The following TERT variants were observed in gnomAD, a reference collection of about 807,000 sequenced individuals.
The protein encoded by TERT is telomerase reverse transcriptase.
Under a neutral mutation model 104.0 loss-of-function variants are expected in TERT, and 42 were observed. The ratio of observed to expected loss-of-function variants is 0.40; its 90% CI spans 0.32 to 0.52. TERT has a LOEUF of 0.52. Ranked by LOEUF, TERT falls within the 20% of genes least tolerant of loss-of-function variation. The pLI, the probability that TERT is intolerant of heterozygous loss-of-function variation, is 0.43. For missense variants in TERT, 1,101 were observed against 1,610.3 expected, an observed-to-expected ratio of 0.68 and a Z score of 5.41; for synonymous variants, 781 against 725.6, an observed-to-expected ratio of 1.08 and a Z score of -1.23.
chr5:1,274,859 AAAC>A lies in TERT; in HGVS notation c.2287-2582_2287-2580del, dbSNP rs1749437554. 6.6e-6 allele frequency among the ~76,000 whole-genome samples: 1 copy of A among 152,262 alleles called. No homozygotes were observed. The highest frequency in any genetic ancestry group is 1.5e-5 in the Non-Finnish European group (1 of 68,044). On this transcript the variant is annotated intron_variant, in intron 6 of 15. Coordinates refer to ENST00000310581, the MANE Select transcript of TERT (RefSeq NM_198253.3). The surrounding 1 kb of genome is among the most constrained non-coding windows in gnomAD (Gnocchi z 5.3). ...AAACTTTTCCTTCAAGGAGCCGGAA[AAAC>A]AACAATAAACAAAGCCTAAAGGAAA... is the stretch of plus-strand genomic sequence containing the variant.
In TERT at chr5:1,256,531, GC is replaced by G. The variant is rs1214691456; in HGVS notation, c.3033-1121del. 1.9e-4 allele frequency among the ~76,000 whole-genome samples: 28 copies of G among 146,470 alleles called. No homozygotes were observed. The highest frequency in any genetic ancestry group is 7.2e-4 in the African/African-American group (28 of 39,106). ...GTACCTGGCCTCACCCACTGCCTGA[GC>G]CCCCCGTGTACCTCATCTCACCCAC... On this transcript the variant is annotated intron_variant, in intron 13 of 15. Transcript: ENST00000310581. This position sits in a 1 kb window ranked among gnomAD's most constrained non-coding sequence, Gnocchi z 7.0.
Position 1,255,298 on chromosome 5 carries a change from G to A in TERT, c.3146C>T (p.Ala1049Val), listed in dbSNP as rs2126562351. 6.2e-7 allele frequency: 1 copy of A among 1,613,944 alleles called. No homozygotes were observed. The highest frequency in any genetic ancestry group is 8.5e-7 in the Non-Finnish European group (1 of 1,179,910). Residue 1049 changes from alanine (A) to valine (V), a missense_variant, in exon 14 of 16, where the codon GCC becomes GTC. Coordinates refer to ENST00000310581, the MANE Select transcript of TERT (RefSeq NM_198253.3). This position sits in a 1 kb window ranked among gnomAD's most constrained non-coding sequence, Gnocchi z 6.9. ...GCACCTGCACATACCTGCGTTCTTG[G>A]CTTTCAGGATGGAGTAGCAGAGGGA... ...TASLCYSILK[A>V]KNAGMSLGAK...
rs1311108214 is a variant in TERT at position 1,287,516 on chromosome 5, T to A, written c.1574-4892A>T. ...CTGTCTCAAAAAAAAAAAATATATATATATATATATAAATTAAAGGCAGAA... is the reference window on the plus strand; with the variant it reads ...CTGTCTCAAAAAAAAAAAATATATAAATATATATATAAATTAAAGGCAGAA... On this transcript the variant is annotated intron_variant, in intron 2 of 15. Transcript: ENST00000310581. This position sits in a 1 kb window ranked among gnomAD's most constrained non-coding sequence, Gnocchi z 4.3. 2.1e-5 allele frequency among the ~76,000 whole-genome samples: 3 copies of A among 146,192 alleles called. No homozygotes were observed. Among genetic ancestry groups the A allele is most frequent in the Admixed American group, 6.8e-5 (1 of 14,672 alleles).
Position 1,268,609 on chromosome 5 carries a change from G to A in TERT, c.2493C>T (p.Ile831=), listed in dbSNP as rs1748795204. 1 of 1,613,024 alleles carries A rather than the reference G, an allele frequency of 6.2e-7. No homozygotes were observed. Among genetic ancestry groups the A allele is most frequent in the South Asian group, 1.1e-5 (1 of 91,082 alleles). The part of the protein sequence containing the change: ...RGKSYVQCQG[I]PQGSILSTLL... ...GCGTGGAGAGGATGGAGCCCTGCGG[G>A]ATCCCCTGGCACTGGACGTAGGACC... is the stretch of plus-strand genomic sequence containing the variant. The change falls in exon 9 of 16, where the codon ATC becomes ATT. Residue 831 remains isoleucine, a synonymous_variant. Transcript: ENST00000310581. The surrounding 1 kb of genome is among the most constrained non-coding windows in gnomAD (Gnocchi z 5.5).
Position 1,294,247 on chromosome 5 carries a change from G to T in TERT, c.639C>A (p.Pro213=). 1 of 1,590,014 alleles carries T rather than the reference G, an allele frequency of 6.3e-7. No individual in the cohort carries two copies. Among genetic ancestry groups the T allele is most frequent in the South Asian group, 1.1e-5 (1 of 89,398 alleles). ...TCGCACCCGGGGCTGGCAGGCCCAGGGGGACCCCGGCCTCCCTGACGCTAT... is the reference window on the plus strand; with the variant it reads ...TCGCACCCGGGGCTGGCAGGCCCAGTGGGACCCCGGCCTCCCTGACGCTAT... The part of the protein sequence containing the change: ...WNHSVREAGV[P]LGLPAPGARR... The change falls in exon 2 of 16, where the codon CCC becomes CCA. Residue 213 remains proline, a synonymous_variant. Transcript: ENST00000310581.
rs569502180 is a variant in TERT, at chr5:1,280,076, G to A, written c.1950+82C>T. 1.0e-4 allele frequency: 156 copies of A among 1,566,438 alleles called. No individual in the cohort carries two copies. The African/African-American group carries it at 1.9e-3, about 19-fold the overall frequency. ...GCTGTGTCCCGTGGCCCCTCCTCCG[G>A]GCCCTTCATCTAAGCTGATACCAAA... On this transcript the variant is annotated intron_variant, in intron 4 of 15. Coordinates refer to ENST00000310581, the MANE Select transcript of TERT (RefSeq NM_198253.3).
At chr5:1,254,309 G>A in intron 15 of TERT, 59 bp downstream of exon 15, 7 of 1,610,882 alleles carry the variant, frequency 4.3e-6, no homozygotes, top group Non-Finnish European at 5.9e-6. Context: ...CCCCACACAG[G>A]GCGTTCAAGG....
chr5:1,287,351 T>C lies in TERT; in HGVS notation c.1574-4727A>G, dbSNP rs1466916073. 6.6e-6 allele frequency among the ~76,000 whole-genome samples: 1 copy of C among 151,842 alleles called. No individual in the cohort carries two copies. Among genetic ancestry groups the C allele is most frequent in the African/African-American group, 2.4e-5 (1 of 41,310 alleles). Reference sequence around the variant, plus strand: ...CCTGTCTCCAGAAAAAATTTAAAAATTAGCCAGGTGTAGCGGTGCGTGTCT... The same window carrying C: ...CCTGTCTCCAGAAAAAATTTAAAAACTAGCCAGGTGTAGCGGTGCGTGTCT... On this transcript the variant is annotated intron_variant, in intron 2 of 15. Coordinates refer to ENST00000310581, the MANE Select transcript of TERT (RefSeq NM_198253.3). The surrounding 1 kb of genome is among the most constrained non-coding windows in gnomAD (Gnocchi z 4.3).
chr5:1,258,516 C>T, intron 13 of TERT, 82 bp downstream of exon 13: 8 of 1,314,476 alleles, frequency 6.1e-6, no homozygotes, highest in Non-Finnish European at 7.5e-6. Context: ...CCAGGAGTTC[C>T]AAGGTGAAGC....
Position 1,255,604 on chromosome 5 carries a change from G to A in TERT, c.3033-193C>T, listed in dbSNP as rs113695384. The stretch of plus-strand genomic sequence containing the variant: ...TGTGCTTGTGTGTGCGAGTAGCTGC[G>A]TGTCTGTGTGTGCACAGGTACACTG... On this transcript the variant is annotated intron_variant, in intron 13 of 15. Transcript: ENST00000310581. This position sits in a 1 kb window ranked among gnomAD's most constrained non-coding sequence, Gnocchi z 6.9. Among the ~76,000 whole-genome samples the A allele has an allele frequency of 1.4e-4, 22 of 152,346 alleles. No individual in the cohort carries two copies. In the East Asian group the frequency reaches 2.3e-3, roughly 16 times the overall value.
rs1380279487 is a variant in TERT at position 1,294,271 on chromosome 5, A to G, written c.615T>C (p.His205=). The G allele has an allele frequency of 1.9e-6, 3 of 1,593,730 alleles. No homozygotes were observed. The highest frequency in any genetic ancestry group is 3.4e-5 in the Admixed American group (2 of 59,262). ...GGGGGACCCCGGCCTCCCTGACGCT[A>G]TGGTTCCAGGCCCGTTCGCATCCCA... ...RRLGCERAWN[H]SVREAGVPLG... is the part of the protein sequence containing the mutation. The change falls in exon 2 of 16, where the codon CAT becomes CAC. Residue 205 remains histidine, a synonymous_variant. Transcript: ENST00000310581.
rs569957123 is a variant in TERT, at chr5:1,284,841, C to T, written c.1574-2217G>A. Reference sequence around the variant, plus strand: ...CCCCAGACCTGCACCATCCGGACACCGCATATCCAGCTCACCGCACGGTCT... The same window carrying T: ...CCCCAGACCTGCACCATCCGGACACTGCATATCCAGCTCACCGCACGGTCT... On this transcript the variant is annotated intron_variant, in intron 2 of 15. Coordinates refer to ENST00000310581, the MANE Select transcript of TERT (RefSeq NM_198253.3). Among the ~76,000 whole-genome samples the T allele has an allele frequency of 1.5e-3, 221 of 146,916 alleles. 1 individual carries two copies. The highest frequency in any genetic ancestry group is 2.5e-3 in the Non-Finnish European group (164 of 66,854).
Position 1,268,661 on chromosome 5 carries a change from C to T in TERT, c.2469-28G>A, listed in dbSNP as rs373917530. ...GGGGCGGGAAGACACAGGTGAGAGA[C>T]GGGCAGGGCATGTGCTGGACATGCG... On this transcript the variant is annotated intron_variant, in intron 8 of 15. Transcript: ENST00000310581. The surrounding 1 kb of genome is among the most constrained non-coding windows in gnomAD (Gnocchi z 5.5). The T allele has an allele frequency of 3.5e-5, 54 of 1,547,220 alleles. No homozygotes were observed. The highest frequency in any genetic ancestry group is 1.0e-4 in the South Asian group (9 of 89,708).
In TERT at chr5:1,255,273, G is replaced by A. The variant is rs376641569; in HGVS notation, c.3157+14C>T. The A allele has an allele frequency of 1.9e-6, 3 of 1,612,872 alleles. No homozygotes were observed. Among genetic ancestry groups the A allele is most frequent in the Non-Finnish European group, 2.5e-6 (3 of 1,179,584 alleles). ...CAGGCACTGCTGCCACTGAGGCCAG[G>A]CACCTGCACATACCTGCGTTCTTGG... On this transcript the variant is annotated intron_variant, in intron 14 of 15. Coordinates refer to ENST00000310581, the MANE Select transcript of TERT (RefSeq NM_198253.3). The surrounding 1 kb of genome is among the most constrained non-coding windows in gnomAD (Gnocchi z 6.9).
intron 10 of TERT, 60 bp downstream of exon 10, chr5:1,266,404 G>A (rs1748604350): frequency 7.0e-7 from 1 of 1,421,164 alleles, no homozygotes; most frequent in Non-Finnish European, 9.8e-7. Flanking sequence ...GACACGGGGG[G>A]CTCAACTGCA....
At chr5:1,259,599 G>GCA (rs1748050041) in intron 12 of TERT, among the ~76,000 whole-genome samples, 9 of 122,848 alleles carry the variant, frequency 7.3e-5, no homozygotes, top group African/African-American at 2.6e-4. Flanking sequence ...GAGTGGACAT[G>GCA]GATGCCCACA....
intron 11 of TERT, 141 bp from the exon 12 acceptor site, chr5:1,260,741 G>T: frequency 8.3e-7 from 1 of 1,203,042 alleles, no homozygotes; most frequent in Non-Finnish European, 1.2e-6. Context: ...CGAGGGGGCT[G>T]GGTGCTCACT....
At position 1,262,738 on chromosome 5, in the gene TERT, T is replaced by C. The variant is rs545264186; in HGVS notation, c.2843+1666A>G. 2.0e-5 allele frequency among the ~76,000 whole-genome samples: 3 copies of C among 152,348 alleles called. No homozygotes were observed. The highest frequency in any genetic ancestry group is 2.0e-4 in the Admixed American group (3 of 15,308). On this transcript the variant is annotated intron_variant, in intron 11 of 15. Coordinates refer to ENST00000310581, the MANE Select transcript of TERT (RefSeq NM_198253.3). This position sits in a 1 kb window ranked among gnomAD's most constrained non-coding sequence, Gnocchi z 5.6. ...AGAGAGAACCCATTTTCCTGATTTGTTTGTCTGTCCTTTGTCCTTCAATAA... is the reference window on the plus strand; with the variant it reads ...AGAGAGAACCCATTTTCCTGATTTGCTTGTCTGTCCTTTGTCCTTCAATAA...
chr5:1,278,825 A>G, intron 5 of TERT, 29 bp from the exon 6 acceptor site: 9 of 1,613,362 alleles, frequency 5.6e-6, no homozygotes, highest in Non-Finnish European at 7.6e-6. Context: ...GGAGACTGAC[A>G]GTGGCCACGC....
Sources: gnomAD v4.1 joint callset for allele counts (sites outside exome capture counted in the v4.1 genomes callset) on GRCh38, gnomAD v4.1.1 for gene constraint, Gnocchi (gnomAD v3.1) non-coding constraint, MANE v1.5 for transcripts, NCBI Gene and HGNC (gene_info 2026-07-23, HGNC 2026-07-21) for gene names.